Variants in AGO2 observed in about 807,000 individuals in gnomAD.
AGO2 encodes the protein protein argonaute-2.
AGO2 carries 5 observed loss-of-function variants against 102.3 expected under a neutral mutation model. That is an observed-to-expected ratio of 0.05 (90% CI 0.03 to 0.10). AGO2 has a LOEUF of 0.10. Ranked by LOEUF, AGO2 falls within the 10% of genes least tolerant of loss-of-function variation. The probability of loss-of-function intolerance (pLI) is 1.00; values close to 1 mark genes in which losing one functional copy is unlikely to be tolerated. For synonymous variants in AGO2, 449 were observed against 473.1 expected, an observed-to-expected ratio of 0.95 and a Z score of 0.66; for missense variants, 541 against 1,183.7, an observed-to-expected ratio of 0.46 and a Z score of 7.97.
intron 16 of AGO2, among the ~76,000 whole-genome samples, chr8:140,536,585 A>G (rs1001305723): frequency 6.6e-6 from 1 of 152,214 alleles, no homozygotes; most frequent in Non-Finnish European, 1.5e-5. Flanking sequence ...TCGGCCTCCC[A>G]AAGTGCTGGG....
chr8:140,565,793 TACA>T (rs1437459888), intron 3 of AGO2, among the ~76,000 whole-genome samples: 1 of 152,108 alleles, frequency 6.6e-6, no homozygotes, highest in Non-Finnish European at 1.5e-5. Flanking sequence ...TCAAAAGTCA[TACA>T]TAGCTAGGTG....
At chr8:140,562,664 T>A in intron 3 of AGO2, 30 bp from the exon 4 acceptor site, 1 of 1,603,068 alleles carries the variant, frequency 6.2e-7, no homozygotes, top group Non-Finnish European at 8.5e-7. Flanking sequence ...ACAAGGTTAC[T>A]CCCTCCTGCG....
intron 16 of AGO2, among the ~76,000 whole-genome samples, chr8:140,537,613 T>C (rs2977467): frequency 0.29 from 44,338 of 151,088 alleles, 7,331 homozygotes; most frequent in African/African-American, 0.45. Flanking sequence ...CAATTTTTTT[T>C]CCTTAGTTTT....
At chr8:140,547,736 A>G (rs1355225958) in intron 12 of AGO2, 109 bp from the exon 13 acceptor site, 1 of 1,454,840 alleles carries the variant, frequency 6.9e-7, no homozygotes, top group South Asian at 1.3e-5. Flanking sequence ...AAGTGCAGCC[A>G]TGGCAGCTGT....
intron 1 of AGO2, among the ~76,000 whole-genome samples, chr8:140,632,543 G>C (rs2074354922): frequency 1.3e-5 from 2 of 152,172 alleles, no homozygotes; most frequent in Non-Finnish European, 2.9e-5. Flanking sequence ...ATCTGCGAGG[G>C]GTGTAACACA....
chr8:140,551,506 A>G, intron 10 of AGO2, 70 bp from the exon 11 acceptor site: 1 of 1,381,714 alleles, frequency 7.2e-7, no homozygotes, highest in Non-Finnish European at 9.5e-7. Flanking sequence ...AGACTTTGTC[A>G]CTCTCACTGT....
intron 3 of AGO2, among the ~76,000 whole-genome samples, chr8:140,566,339 A>G (rs34846797): frequency 0.026 from 3,976 of 152,362 alleles, 75 homozygotes; most frequent in South Asian, 0.038. Context: ...CCCTAGCCAC[A>G]TGGAACTGTA....
chr8:140,597,480 C>CCCCCCCCCCCCCCCCCCCCCCCCCCA (rs2073864620), intron 1 of AGO2, among the ~76,000 whole-genome samples: 1 of 132,126 alleles, frequency 7.6e-6, no homozygotes, highest in African/African-American at 2.7e-5. Context: ...CCCCACCCCC[C>CCCCCCCCCCCCCCCCCCCCCCCCCCA]CCCCCCCGCC....
intron 18 of AGO2, 118 bp from the exon 19 acceptor site, chr8:140,532,270 C>A: frequency 7.3e-7 from 1 of 1,369,122 alleles, no homozygotes; most frequent in South Asian, 1.3e-5. Context: ...AAGAGTCCCA[C>A]GCTGACGGCC....
chr8:140,626,300 G>A (rs1344719645), intron 1 of AGO2, among the ~76,000 whole-genome samples: 2 of 152,208 alleles, frequency 1.3e-5, no homozygotes, highest in Non-Finnish European at 2.9e-5. Flanking sequence ...CCAGACAGAT[G>A]AGTGTTATTT....
At chr8:140,542,441 A>G (rs2072816810) in intron 14 of AGO2, among the ~76,000 whole-genome samples, 1 of 152,170 alleles carries the variant, frequency 6.6e-6, no homozygotes, top group African/African-American at 2.4e-5. Context: ...CAAGAGAAAA[A>G]TAAATAAACT....
Position 140,541,089 on chromosome 8 carries a change from A to C in AGO2, c.2034+75T>G, listed in dbSNP as rs76331401. 7,709 of 1,404,986 alleles carry C rather than the reference A, an allele frequency of 5.5e-3. 244 individuals are homozygous for C. The Admixed American group carries it at 0.075, about 14-fold the overall frequency. 87.0% of individuals were successfully genotyped at this position (1,404,986 alleles called of 1,614,324 possible). ...GCCACATCATTCTTGCCATTCATCG[A>C]GCGTGGTTCTGCTGCACAAACAGGT... On this transcript the variant is annotated intron_variant, in intron 15 of 18. Coordinates refer to ENST00000220592, the MANE Select transcript of AGO2 (RefSeq NM_012154.5).
intron 3 of AGO2, among the ~76,000 whole-genome samples, chr8:140,566,575 G>A (rs2073287558): frequency 1.3e-5 from 2 of 150,640 alleles, no homozygotes; most frequent in South Asian, 2.1e-4. Context: ...AGACATTCCT[G>A]CACTCACTGG....
chr8:140,613,588 G>C (rs1418055034), intron 1 of AGO2, among the ~76,000 whole-genome samples: 1 of 152,158 alleles, frequency 6.6e-6, no homozygotes, highest in Non-Finnish European at 1.5e-5. Flanking sequence ...GTCATCTAGA[G>C]TATTTTCTTA....
At chr8:140,549,348 C>T (rs562671862) in intron 11 of AGO2, 50 bp from the exon 12 acceptor site, 3 of 1,523,576 alleles carry the variant, frequency 2.0e-6, no homozygotes, top group African/African-American at 2.8e-5. Flanking sequence ...TGGCAGAGAA[C>T]TCAGGCCGAC....
intron 4 of AGO2, among the ~76,000 whole-genome samples, chr8:140,561,644 A>G (rs968202778): frequency 2.6e-5 from 4 of 152,186 alleles, no homozygotes; most frequent in African/African-American, 9.7e-5. Context: ...CCATGCCTGA[A>G]GACTGAGAAC....
intron 3 of AGO2, among the ~76,000 whole-genome samples, chr8:140,569,903 A>C (rs1456482584): frequency 6.6e-6 from 1 of 152,190 alleles, no homozygotes; most frequent in Non-Finnish European, 1.5e-5. Context: ...CCTGGACCAG[A>C]GCCGCCAGAG....
At chr8:140,582,439 C>T (rs1230906305) in intron 2 of AGO2, among the ~76,000 whole-genome samples, 1 of 152,050 alleles carries the variant, frequency 6.6e-6, no homozygotes, top group African/African-American at 2.4e-5. Context: ...AACTGGTAAG[C>T]GTAACGGAAA....
chr8:140,597,153 C>T (rs1001522728), intron 1 of AGO2, among the ~76,000 whole-genome samples: 1 of 152,250 alleles, frequency 6.6e-6, no homozygotes, highest in South Asian at 2.1e-4. Flanking sequence ...TTTATAACCA[C>T]GCCCCTGCAC....
Sources: allele counts gnomAD v4.1 joint callset (sites outside exome capture counted in the v4.1 genomes callset), GRCh38; gene constraint gnomAD v4.1.1; transcripts MANE v1.5; gene names NCBI Gene and HGNC (gene_info 2026-07-23, HGNC 2026-07-21).